ANTXR1: variants seen among roughly 807,000 people sequenced by gnomAD.
ANTXR1 encodes the protein anthrax toxin receptor 1.
A neutral mutation model predicts 78.1 loss-of-function variants in ANTXR1; 19 were observed. The observed-to-expected ratio is 0.24, with a 90% CI of 0.17 to 0.36. ANTXR1 has a LOEUF of 0.36. ANTXR1 is among the 10% of genes least tolerant of loss of function. The probability of loss-of-function intolerance (pLI) is 1.00; values close to 1 mark genes in which losing one functional copy is unlikely to be tolerated. For missense variants in ANTXR1, 518 were observed against 718.6 expected (o/e 0.72, Z 3.19); for synonymous variants, 273 against 260.5 (o/e 1.05, Z -0.46).
At chr2:69,186,341 G>T (rs1225237588) in intron 16 of ANTXR1, among the ~76,000 whole-genome samples, 1 of 152,194 alleles carries the variant, frequency 6.6e-6, no homozygotes, top group East Asian at 1.9e-4. Flanking sequence ...GAATCTCAGG[G>T]TTCATCCTAT....
At chr2:69,220,170 A>C (rs1266655799) in intron 17 of ANTXR1, among the ~76,000 whole-genome samples, 10 of 152,236 alleles carry the variant, frequency 6.6e-5, no homozygotes, top group Non-Finnish European at 1.3e-4. Context: ...TAGGAAGCCA[A>C]GGCAGTCTCA....
At chr2:69,146,990 C>T (rs892213164) in intron 12 of ANTXR1, among the ~76,000 whole-genome samples, 1 of 152,242 alleles carries the variant, frequency 6.6e-6, no homozygotes, top group Non-Finnish European at 1.5e-5. Context: ...ATCTTGGAAG[C>T]AGGTGGCAGT....
At chr2:69,096,390 A>G (rs900855410) in intron 9 of ANTXR1, among the ~76,000 whole-genome samples, 2 of 139,176 alleles carry the variant, frequency 1.4e-5, no homozygotes, top group African/African-American at 5.5e-5. Flanking sequence ...GGAAGGAAGG[A>G]AGGAAGGAAG....
At chr2:69,089,268 G>A (rs1215186662) in intron 8 of ANTXR1, among the ~76,000 whole-genome samples, 1 of 152,176 alleles carries the variant, frequency 6.6e-6, no homozygotes, top group Non-Finnish European at 1.5e-5. Flanking sequence ...ATACATGGTT[G>A]GGAGATAACC....
In ANTXR1 at chr2:69,247,148, C is replaced by T. The variant is rs951970341; in HGVS notation, c.*1663C>T. ...TTCCTATTAAGCCCACTGATTTCTT[C>T]ACAATCCTTCTCAAATTACAATTCC... is the stretch of plus-strand genomic sequence containing the variant. On this transcript the variant is annotated 3_prime_UTR_variant, in exon 18 of 18. Transcript: ENST00000303714. The T allele has an allele frequency of 6.5e-6, 1 of 152,764 alleles. No individual in the cohort carries two copies. The highest frequency in any genetic ancestry group is 2.4e-5 in the African/African-American group (1 of 41,426). The allele number at this position is 152,764 out of a possible 1,614,324, so 9.5% of individuals were successfully genotyped here. A position where few individuals can be genotyped will look rare whatever the true frequency, so the allele number is the denominator to read the frequency against.
At chr2:69,223,613 G>A (rs77890430) in intron 17 of ANTXR1, among the ~76,000 whole-genome samples, 2,953 of 152,284 alleles carry the variant, frequency 0.019, 82 homozygotes, top group African/African-American at 0.064. Flanking sequence ...CAACATCATT[G>A]TCATCAACAC....
At chr2:69,232,129 C>T (rs529597762) in intron 17 of ANTXR1, among the ~76,000 whole-genome samples, 20 of 152,150 alleles carry the variant, frequency 1.3e-4, no homozygotes, top group Middle Eastern at 3.4e-3. Context: ...TTGTGTAAAA[C>T]GTTGGAGAAA....
intron 17 of ANTXR1, among the ~76,000 whole-genome samples, chr2:69,219,678 G>A (rs138817931): frequency 2.6e-5 from 4 of 152,206 alleles, no homozygotes; most frequent in East Asian, 1.9e-4. Flanking sequence ...TGTTATCAAC[G>A]TATATTAAAA....
At chr2:69,168,709 A>T (rs1031174975) in intron 13 of ANTXR1, among the ~76,000 whole-genome samples, 7 of 152,298 alleles carry the variant, frequency 4.6e-5, no homozygotes, top group African/African-American at 1.2e-4. Flanking sequence ...TTCTGGGATG[A>T]TGGGAAATCA....
At chr2:69,163,913 G>GA (rs1444194108) in intron 13 of ANTXR1, among the ~76,000 whole-genome samples, 2 of 152,132 alleles carry the variant, frequency 1.3e-5, no homozygotes, top group East Asian at 3.8e-4. Flanking sequence ...AACAAAAGAC[G>GA]AAAAATGTAC....
intron 10 of ANTXR1, among the ~76,000 whole-genome samples, chr2:69,104,334 G>T (rs1476289731): frequency 1.3e-5 from 2 of 152,210 alleles, no homozygotes; most frequent in African/African-American, 2.4e-5. Context: ...ACCCACTTTA[G>T]TAGTTAAACA....
At chr2:69,023,870 G>A (rs1197109469) in intron 1 of ANTXR1, among the ~76,000 whole-genome samples, 3 of 152,146 alleles carry the variant, frequency 2.0e-5, no homozygotes, top group African/African-American at 7.2e-5. Context: ...AGGTGACAAA[G>A]TAAAGAAAAA....
chr2:69,111,428 A>G (rs948267597), intron 10 of ANTXR1, among the ~76,000 whole-genome samples: 4 of 152,266 alleles, frequency 2.6e-5, no homozygotes, highest in African/African-American at 9.6e-5. Flanking sequence ...AAAACATGCT[A>G]GACTATCCTA....
At chr2:69,210,637 C>T (rs901761111) in intron 17 of ANTXR1, among the ~76,000 whole-genome samples, 13 of 152,128 alleles carry the variant, frequency 8.5e-5, no homozygotes, top group African/African-American at 2.4e-4. Context: ...GAAAATTGTA[C>T]GTAAGAACCA....
At chr2:69,033,810 A>G (rs1671598885) in intron 1 of ANTXR1, among the ~76,000 whole-genome samples, 1 of 152,182 alleles carries the variant, frequency 6.6e-6, no homozygotes, top group Non-Finnish European at 1.5e-5. Flanking sequence ...CTTTTATTCT[A>G]TTCTAATCTG....
At chr2:69,074,187 C>T (rs1670659366) in intron 6 of ANTXR1, among the ~76,000 whole-genome samples, 2 of 152,214 alleles carry the variant, frequency 1.3e-5, no homozygotes, top group South Asian at 2.1e-4. Context: ...GTAAACTCTC[C>T]TCCCACTAGT....
At chr2:69,201,459 G>C (rs1240861889) in intron 17 of ANTXR1, among the ~76,000 whole-genome samples, 4 of 152,330 alleles carry the variant, frequency 2.6e-5, no homozygotes, top group Non-Finnish European at 4.4e-5. Context: ...TGCTCTGCCA[G>C]CCTGACGAGG....
At chr2:69,232,083 C>T (rs1374667099) in intron 17 of ANTXR1, among the ~76,000 whole-genome samples, 1 of 152,022 alleles carries the variant, frequency 6.6e-6, no homozygotes, top group Non-Finnish European at 1.5e-5. Flanking sequence ...TCTTGGGTGG[C>T]CCAGTGATTA....
At chr2:69,087,764 G>T (rs1329499524) in intron 8 of ANTXR1, among the ~76,000 whole-genome samples, 1 of 151,960 alleles carries the variant, frequency 6.6e-6, no homozygotes, top group Non-Finnish European at 1.5e-5. Flanking sequence ...GGCTACCACT[G>T]CCCGGGCCTC....
Sources: gnomAD v4.1 joint callset for allele counts (sites outside exome capture counted in the v4.1 genomes callset) on GRCh38, gnomAD v4.1.1 for gene constraint, MANE v1.5 for transcripts, NCBI Gene and HGNC (gene_info 2026-07-23, HGNC 2026-07-21) for gene names.